Variants in RIMS2 observed in about 807,000 individuals in gnomAD.
RIMS2 encodes regulating synaptic membrane exocytosis protein 2.
Under a neutral mutation model 174.4 loss-of-function variants are expected in RIMS2, and 59 were observed. That is an observed-to-expected ratio of 0.34 (90% CI 0.27 to 0.42). The LOEUF is 0.42. Among genes scored for constraint, RIMS2 ranks in the 10% least tolerant of loss-of-function variants. RIMS2 has a pLI of 1.00. For synonymous variants in RIMS2, 606 were observed against 572.5 expected (o/e 1.06, Z -0.84); for missense variants, 1,620 against 1,666.3 (o/e 0.97, Z 0.48).
At chr8:103,741,120 A>C (rs189647514) in intron 2 of RIMS2, among the ~76,000 whole-genome samples, 18 of 152,154 alleles carry the variant, frequency 1.2e-4, no homozygotes, top group Admixed American at 3.3e-4. Context: ...ATAAATGCAA[A>C]TTTTGATTAC....
intron 15 of RIMS2, among the ~76,000 whole-genome samples, chr8:103,963,756 T>C (rs7014986): frequency 0.67 from 102,296 of 152,024 alleles, 35,230 homozygotes; most frequent in African/African-American, 0.72. Context: ...TGGTGTCAAA[T>C]ATTCATTGGA....
intron 19 of RIMS2, among the ~76,000 whole-genome samples, chr8:104,040,897 C>G (rs1320920398): frequency 6.6e-6 from 1 of 151,572 alleles, no homozygotes; most frequent in Non-Finnish European, 1.5e-5. Flanking sequence ...GGTGATGACT[C>G]AATTAAATCT....
chr8:103,671,526 A>G (rs2096743937), intron 1 of RIMS2, among the ~76,000 whole-genome samples: 1 of 152,228 alleles, frequency 6.6e-6, no homozygotes, highest in African/African-American at 2.4e-5. Context: ...AGTCATCAGA[A>G]ACCTGTATTC....
At chr8:104,241,275 CACTT>C (rs1461351027) in intron 19 of RIMS2, among the ~76,000 whole-genome samples, 1 of 152,156 alleles carries the variant, frequency 6.6e-6, no homozygotes, top group South Asian at 2.1e-4. Context: ...CTGGTTCTGT[CACTT>C]ACTATGTTGC....
At chr8:103,987,278 A>G (rs1258915664) in intron 16 of RIMS2, among the ~76,000 whole-genome samples, 4 of 152,104 alleles carry the variant, frequency 2.6e-5, no homozygotes, top group African/African-American at 4.8e-5. Flanking sequence ...TGCCCAGCTT[A>G]AGAAGCCCAT....
chr8:103,776,849 TTTAGA>T (rs1474550725), intron 3 of RIMS2, among the ~76,000 whole-genome samples: 3 of 152,140 alleles, frequency 2.0e-5, no homozygotes, highest in African/African-American at 7.2e-5. Context: ...TGACTTTTCC[TTTAGA>T]TTAAACAGCT....
chr8:104,129,355 G>T (rs189337311), intron 19 of RIMS2, among the ~76,000 whole-genome samples: 1 of 152,098 alleles, frequency 6.6e-6, no homozygotes, highest in African/African-American at 2.4e-5. Flanking sequence ...ACTACACTCC[G>T]GCCTGGGAAC....
intron 14 of RIMS2, among the ~76,000 whole-genome samples, chr8:103,944,582 G>T (rs1221576388): frequency 2.6e-5 from 4 of 152,128 alleles, no homozygotes; most frequent in Non-Finnish European, 5.9e-5. Flanking sequence ...ACTACTTAGG[G>T]ATAGTGGATA....
At chr8:103,587,409 G>GA (rs1554653342) in intron 1 of RIMS2, among the ~76,000 whole-genome samples, 51 of 117,148 alleles carry the variant, frequency 4.4e-4, no homozygotes, top group East Asian at 2.0e-3. Flanking sequence ...GAAGAAAAAA[G>GA]AAGAAAGAAA....
intron 19 of RIMS2, among the ~76,000 whole-genome samples, chr8:104,135,199 G>A (rs2098508409): frequency 1.3e-5 from 2 of 152,286 alleles, no homozygotes; most frequent in Middle Eastern, 3.4e-3. Flanking sequence ...AGGTAGGTAT[G>A]CACTCCTTAT....
At chr8:104,244,659 T>C (rs1479249001) in intron 19 of RIMS2, among the ~76,000 whole-genome samples, 1 of 152,240 alleles carries the variant, frequency 6.6e-6, no homozygotes, top group East Asian at 1.9e-4. Context: ...GTTTCTTATA[T>C]TAACAATTTG....
At chr8:104,046,445 G>A in intron 19 of RIMS2, among the ~76,000 whole-genome samples, 1 of 152,008 alleles carries the variant, frequency 6.6e-6, no homozygotes, top group East Asian at 1.9e-4. Flanking sequence ...ATTCTTGTCA[G>A]ATTTGAGTGG....
intron 1 of RIMS2, among the ~76,000 whole-genome samples, chr8:103,666,764 G>T (rs2111491): frequency 0.18 from 26,669 of 151,950 alleles, 2,522 homozygotes; most frequent in African/African-American, 0.23. Context: ...CCATAATTTT[G>T]TTTAACTCAT....
At chr8:103,543,414 T>G (rs556041074) in intron 1 of RIMS2, among the ~76,000 whole-genome samples, 1 of 152,214 alleles carries the variant, frequency 6.6e-6, no homozygotes. Flanking sequence ...AGAATTAATA[T>G]TGTTTAAATG....
intron 3 of RIMS2, among the ~76,000 whole-genome samples, chr8:103,834,742 T>TCTCTCTCTC (rs2098856188): frequency 1.6e-4 from 18 of 109,588 alleles, no homozygotes; most frequent in African/African-American, 6.8e-4. Context: ...CTTTCTTTCT[T>TCTCTCTCTC]TCTCTCTCTT....
chr8:103,637,102 C>G (rs1462602399), intron 1 of RIMS2, among the ~76,000 whole-genome samples: 1 of 152,148 alleles, frequency 6.6e-6, no homozygotes, highest in African/African-American at 2.4e-5. Context: ...GCTTTTGTCA[C>G]AGGAACTGTT....
At chr8:103,630,996 G>A (rs2095904487) in intron 1 of RIMS2, among the ~76,000 whole-genome samples, 1 of 152,104 alleles carries the variant, frequency 6.6e-6, no homozygotes, top group Non-Finnish European at 1.5e-5. Flanking sequence ...ATTTGGTTAA[G>A]TTACTTGTAG....
chr8:103,689,605 T>G (rs967682708), intron 1 of RIMS2, among the ~76,000 whole-genome samples: 3 of 152,212 alleles, frequency 2.0e-5, no homozygotes, highest in African/African-American at 7.2e-5. Flanking sequence ...TATCATTACA[T>G]AATGACCTTC....
At chr8:103,586,631 C>G (rs1032116541) in intron 1 of RIMS2, among the ~76,000 whole-genome samples, 1 of 151,626 alleles carries the variant, frequency 6.6e-6, no homozygotes, top group Non-Finnish European at 1.5e-5. Flanking sequence ...GTGCCTAGAT[C>G]AAAAAATAGG....
Sources: gnomAD v4.1 joint callset for allele counts (sites outside exome capture counted in the v4.1 genomes callset) on GRCh38, gnomAD v4.1.1 for gene constraint, MANE v1.5 for transcripts, NCBI Gene and HGNC (gene_info 2026-07-23, HGNC 2026-07-21) for gene names.